The following SORCS3 variants were observed in gnomAD, a reference collection of about 807,000 sequenced individuals.
SORCS3 encodes VPS10 domain-containing receptor SorCS3.
In SORCS3, 57 loss-of-function variants were observed where a neutral mutation model predicts 146.3. That is an observed-to-expected ratio of 0.39 (90% CI 0.31 to 0.49). SORCS3 has a LOEUF of 0.49. SORCS3 is among the 20% of genes least tolerant of loss of function. The pLI, the probability that SORCS3 is intolerant of heterozygous loss-of-function variation, is 0.92. For synonymous variants in SORCS3, 653 were observed against 618.5 expected, an observed-to-expected ratio of 1.06 and a Z score of -0.83; for missense variants, 1,341 against 1,575.5, an observed-to-expected ratio of 0.85 and a Z score of 2.52.
At chr10:105,058,182 C>T (rs2055458781) in intron 5 of SORCS3, among the ~76,000 whole-genome samples, 1 of 152,144 alleles carries the variant, frequency 6.6e-6, no homozygotes, top group Non-Finnish European at 1.5e-5. Flanking sequence ...TGGATGGATG[C>T]AAGGAGACTG....
intron 1 of SORCS3, among the ~76,000 whole-genome samples, chr10:104,676,598 G>A (rs767270329): frequency 1.3e-5 from 2 of 152,178 alleles, no homozygotes; most frequent in Non-Finnish European, 2.9e-5. Context: ...TAGGACATAG[G>A]GCTAGTGAGG....
chr10:105,207,264 T>C (rs2056607647), intron 16 of SORCS3, among the ~76,000 whole-genome samples: 1 of 142,970 alleles, frequency 7.0e-6, no homozygotes. Context: ...TATTTTGGCA[T>C]GCAGAGGTTT....
intron 7 of SORCS3, among the ~76,000 whole-genome samples, chr10:105,107,894 G>A (rs1364358074): frequency 6.6e-6 from 1 of 152,150 alleles, no homozygotes; most frequent in African/African-American, 2.4e-5. Flanking sequence ...GTGTGACCTT[G>A]AGCTGTGCAT....
At chr10:105,255,077 A>C (rs2056922740) in intron 23 of SORCS3, among the ~76,000 whole-genome samples, 1 of 150,424 alleles carries the variant, frequency 6.6e-6, no homozygotes, top group Non-Finnish European at 1.5e-5. Context: ...AGTCCCAGCT[A>C]CTCAGGAGGC....
At chr10:104,985,173 C>A (rs759886337) in intron 4 of SORCS3, among the ~76,000 whole-genome samples, 3 of 152,170 alleles carry the variant, frequency 2.0e-5, no homozygotes, top group Admixed American at 6.6e-5. Context: ...TCCAGCCCTG[C>A]AACCCTGATA....
rs748976642 is a variant in SORCS3, at chr10:105,263,381, C to T, written c.*7C>T. 6.2e-7 allele frequency: 1 copy of T among 1,613,750 alleles called. No homozygotes were observed. The highest frequency in any genetic ancestry group is 1.7e-5 in the Admixed American group (1 of 60,000). ...CAACTGCACTAGTGTTTAATACCAG[C>T]AAGCCACGTGGTCAACCACCTTTCT... On this transcript the variant is annotated 3_prime_UTR_variant, in exon 27 of 27. Coordinates refer to ENST00000369701, the MANE Select transcript of SORCS3 (RefSeq NM_014978.3).
At chr10:104,801,792 A>G (rs2017627255) in intron 1 of SORCS3, among the ~76,000 whole-genome samples, 1 of 152,172 alleles carries the variant, frequency 6.6e-6, no homozygotes, top group Non-Finnish European at 1.5e-5. Context: ...AGATACGTAA[A>G]CTCTTACAGT....
chr10:104,698,143 T>A (rs182996756), intron 1 of SORCS3, among the ~76,000 whole-genome samples: 116 of 152,322 alleles, frequency 7.6e-4, no homozygotes, highest in Non-Finnish European at 1.1e-3. Context: ...TCTTATTTTT[T>A]CAAAGCACTC....
intron 7 of SORCS3, among the ~76,000 whole-genome samples, chr10:105,127,316 C>G (rs1244069601): frequency 6.6e-6 from 1 of 152,100 alleles, no homozygotes; most frequent in Non-Finnish European, 1.5e-5. Flanking sequence ...TGTAAAAGTT[C>G]ATGCAATTGT....
intron 1 of SORCS3, among the ~76,000 whole-genome samples, chr10:104,722,325 A>G (rs1441051102): frequency 6.6e-6 from 1 of 152,192 alleles, no homozygotes; most frequent in Non-Finnish European, 1.5e-5. Context: ...CCAGGGATGA[A>G]GCCCACTTGA....
intron 1 of SORCS3, among the ~76,000 whole-genome samples, chr10:104,652,116 T>A (rs2015570602): frequency 6.6e-6 from 1 of 151,818 alleles, no homozygotes; most frequent in South Asian, 2.1e-4. Flanking sequence ...GCATTATTAG[T>A]AAGGAGAGAG....
At chr10:104,741,382 T>C (rs1025438144) in intron 1 of SORCS3, among the ~76,000 whole-genome samples, 11 of 152,144 alleles carry the variant, frequency 7.2e-5, no homozygotes, top group African/African-American at 2.2e-4. Context: ...TCATTAGATA[T>C]TCACAGTTAC....
chr10:104,886,555 CATCTATCTATCTATCTATCT>C (rs55977539), intron 2 of SORCS3, among the ~76,000 whole-genome samples: 17 of 127,032 alleles, frequency 1.3e-4, no homozygotes, highest in South Asian at 4.8e-4. Context: ...ATAACTCTAT[CATCTATCTATCTATCTATCT>C]ATCTATCTAT....
chr10:104,774,669 T>G (rs889128272), intron 1 of SORCS3, among the ~76,000 whole-genome samples: 6 of 151,990 alleles, frequency 3.9e-5, no homozygotes, highest in Non-Finnish European at 7.4e-5. Flanking sequence ...TAGTGAGAAA[T>G]AACACCCAGG....
chr10:104,800,399 A>G (rs796427626), intron 1 of SORCS3, among the ~76,000 whole-genome samples: 55 of 152,322 alleles, frequency 3.6e-4, no homozygotes, highest in African/African-American at 1.3e-3. Flanking sequence ...CGATTCTACA[A>G]TGGTAAGTGT....
At chr10:105,199,350 A>G (rs973418965) in intron 14 of SORCS3, among the ~76,000 whole-genome samples, 6 of 152,018 alleles carry the variant, frequency 3.9e-5, no homozygotes, top group Non-Finnish European at 5.9e-5. Flanking sequence ...CTTCTTTACT[A>G]TACATAAATA....
intron 7 of SORCS3, among the ~76,000 whole-genome samples, chr10:105,124,169 A>G (rs1364256052): frequency 6.6e-6 from 1 of 152,102 alleles, no homozygotes; most frequent in East Asian, 1.9e-4. Flanking sequence ...TGTCTTTGTG[A>G]TCAATGGCAC....
rs74157425 is a variant in SORCS3, at chr10:105,105,434, C to T, written c.1131C>T (p.Ala377=). 7,529 of 1,613,600 alleles carry T rather than the reference C, an allele frequency of 4.7e-3. 307 individuals are homozygous for T. In the African/African-American group the frequency reaches 0.087, roughly 19 times the overall value. ...HYLTCRIQEC[A]ETTRSGPFAR... is the part of the protein sequence containing the mutation. ...TCACCTGCAGGATCCAGGAATGTGC[C>T]GAGACAACTAGAAGTGGGCCTTTTG... The change falls in exon 7 of 27, where the codon GCC becomes GCT. Residue 377 remains alanine, a synonymous_variant. Transcript: ENST00000369701.
At position 105,249,456 on chromosome 10, in the gene SORCS3, C is replaced by G. The variant is rs138646266; in HGVS notation, c.3105+2125C>G. Among the ~76,000 whole-genome samples, 9 of 152,206 alleles carry G rather than the reference C, an allele frequency of 5.9e-5. No homozygotes were observed. In the East Asian group the frequency reaches 1.5e-3, roughly 26 times the overall value. ...GCAGAGGAGAAAGATCCAGGAAGGA[C>G]ATGGAGAAGGAGCTGACAGATAGGA... On this transcript the variant is annotated intron_variant, in intron 22 of 26. Transcript: ENST00000369701.
Sources: allele counts gnomAD v4.1 joint callset (sites outside exome capture counted in the v4.1 genomes callset), GRCh38; gene constraint gnomAD v4.1.1; transcripts MANE v1.5; gene names NCBI Gene and HGNC (gene_info 2026-07-23, HGNC 2026-07-21).